The following HDAC2 variants were observed in gnomAD, a reference collection of about 807,000 sequenced individuals.
HDAC2 encodes YY1-associated factor 1.
Under a neutral mutation model 68.5 loss-of-function variants are expected in HDAC2, and 5 were observed. The observed-to-expected ratio is 0.07, with a 90% CI of 0.04 to 0.15. The LOEUF is 0.15. HDAC2 is among the 10% of genes least tolerant of loss of function. HDAC2 has a pLI of 1.00. For missense variants in HDAC2, 291 were observed against 600.8 expected (o/e 0.48, Z 5.39); for synonymous variants, 182 against 191.3 (o/e 0.95, Z 0.40).
intron 6 of HDAC2, among the ~76,000 whole-genome samples, chr6:113,951,047 T>C (rs558495121): frequency 2.0e-5 from 3 of 152,326 alleles, no homozygotes; most frequent in African/African-American, 7.2e-5. Flanking sequence ...ATGAAATATA[T>C]TTTGACCCTA....
At chr6:113,958,850 CG>C in intron 2 of HDAC2, 84 bp from the exon 3 acceptor site, 1 of 829,040 alleles carries the variant, frequency 1.2e-6, no homozygotes. Context: ...ATTCCCCTAT[CG>C]GTCCCCTCAA....
rs867979799 is a variant in HDAC2, at chr6:113,951,475, T to C, written c.639+1802A>G. ...AACATCAGCAACTGTAAAATCTTTT[T>C]TTTTTTTTTTTTGGCTGAGTCTTGC... On this transcript the variant is annotated intron_variant, in intron 6 of 13. Transcript: ENST00000519065. Among the ~76,000 whole-genome samples the C allele has an allele frequency of 6.7e-3, 1,008 of 150,972 alleles. 10 individuals carry two copies. The highest frequency in any genetic ancestry group is 0.023 in the African/African-American group (949 of 41,158).
intron 1 of HDAC2, among the ~76,000 whole-genome samples, chr6:113,960,970 G>A (rs1460028445): frequency 6.6e-6 from 1 of 151,976 alleles, no homozygotes; most frequent in Non-Finnish European, 1.5e-5. Context: ...CATTGTATTA[G>A]GTATTATGAG....
chr6:113,957,605 C>T (rs1776585885), intron 3 of HDAC2, among the ~76,000 whole-genome samples: 1 of 152,028 alleles, frequency 6.6e-6, no homozygotes, highest in South Asian at 2.1e-4. Context: ...CCTGTCTCAG[C>T]CTACAGAGTA....
intron 6 of HDAC2, 112 bp downstream of exon 6, chr6:113,953,165 T>C: frequency 1.3e-6 from 1 of 741,134 alleles, no homozygotes; most frequent in Non-Finnish European, 2.2e-6. Context: ...AATTCAATTC[T>C]GCATACAAGT....
Position 113,938,504 on chromosome 6 carries a change from A to C in HDAC2, c.*2554T>G, listed in dbSNP as rs1302902349. 2.0e-5 allele frequency: 3 copies of C among 151,992 alleles called. No homozygotes were observed. The highest frequency in any genetic ancestry group is 4.4e-5 in the Non-Finnish European group (3 of 67,990). The allele number at this position is 151,992 out of a possible 1,614,324, so 9.4% of individuals were successfully genotyped here. On this transcript the variant is annotated 3_prime_UTR_variant, in exon 14 of 14. Coordinates refer to ENST00000519065, the MANE Select transcript of HDAC2 (RefSeq NM_001527.4). ...CCTTCTTCAATCCATTTGCTTTAAG[A>C]GTTTAGGTTTTTGGTAGTTTTATCT...
intron 1 of HDAC2, among the ~76,000 whole-genome samples, chr6:113,969,042 T>C (rs183891711): frequency 6.6e-6 from 1 of 152,232 alleles, no homozygotes; most frequent in Non-Finnish European, 1.5e-5. Flanking sequence ...CTCTAAACTT[T>C]AGAAACAATG....
intron 3 of HDAC2, among the ~76,000 whole-genome samples, chr6:113,957,847 T>C (rs1776593576): frequency 6.6e-6 from 1 of 152,094 alleles, no homozygotes; most frequent in South Asian, 2.1e-4. Context: ...CCTGTTATGT[T>C]GTTTGCCCAA....
chr6:113,936,217 G>T lies in HDAC2; in HGVS notation c.*4841C>A, dbSNP rs1775993440. The T allele has an allele frequency of 6.6e-6, 1 of 152,080 alleles. No individual in the cohort carries two copies. Among genetic ancestry groups the T allele is most frequent in the Admixed American group, 6.5e-5 (1 of 15,272 alleles). 9.4% of individuals were successfully genotyped at this position (152,080 alleles called of 1,614,324 possible). A position where few individuals can be genotyped will look rare whatever the true frequency, so the allele number is the denominator to read the frequency against. On this transcript the variant is annotated 3_prime_UTR_variant, in exon 14 of 14. Transcript: ENST00000519065. ...ATTCAAAAAGAATCTGTTAATACAT[G>T]TTGCTCTGCTTGTTACATGGCCACC...
chr6:113,970,306 G>A (rs1776952528), intron 1 of HDAC2: 1 of 281,902 alleles, frequency 3.5e-6, no homozygotes, highest in South Asian at 1.3e-4. Flanking sequence ...AAGACGCTCC[G>A]GCCAGACCGA....
chr6:113,941,764 G>T lies in HDAC2; in HGVS notation c.1380C>A (p.Asp460Glu). 3 of 1,327,342 alleles carry T rather than the reference G, an allele frequency of 2.3e-6. No individual in the cohort carries two copies. The highest frequency in any genetic ancestry group is 2.6e-5 in the East Asian group (1 of 39,182). 82.2% of individuals were successfully genotyped at this position (1,327,342 alleles called of 1,614,324 possible). A position where few individuals can be genotyped will look rare whatever the true frequency, so the allele number is the denominator to read the frequency against. The change falls in exon 13 of 14, where the codon GAC becomes GAA. Residue 460 changes from aspartate to glutamate, a missense_variant and splice_region_variant. Asp to Glu is a conservative substitution (Grantham distance 45). Coordinates refer to ENST00000519065, the MANE Select transcript of HDAC2 (RefSeq NM_001527.4). ...DKKETEDKKT[D>E]VKEEDKSKDN... ...CCTTGGATTTATCTTCTTCCTTAAC[G>T]TCTAAAAATAAAGATTGGGAAAAGA...
chr6:113,944,351 G>T lies in HDAC2; in HGVS notation c.1151C>A (p.Ala384Asp). The change falls in exon 11 of 14, where the codon GCT becomes GAT. Residue 384 changes from alanine to aspartate, a missense_variant. Coordinates refer to ENST00000519065, the MANE Select transcript of HDAC2 (RefSeq NM_001527.4). ...TTCATGAACAGCATCTTCTGGAATA[G>T]CTTGCATCTGGACACCAGGTGCATG... is the stretch of plus-strand genomic sequence containing the variant. Reference protein sequence around the residue: ...LPHAPGVQMQAIPEDAVHEDS... With the variant: ...LPHAPGVQMQDIPEDAVHEDS... 6.2e-7 allele frequency: 1 copy of T among 1,612,220 alleles called. No homozygotes were observed. Among genetic ancestry groups the T allele is most frequent in the Non-Finnish European group, 8.5e-7 (1 of 1,178,320 alleles).
In HDAC2 at chr6:113,939,655, A is replaced by C. The variant is rs1776084984; in HGVS notation, c.*1403T>G. ...ATATTCACAAAAACATGGATAAAAT[A>C]ATCACAATGGTGATTACTTCTTAAG... On this transcript the variant is annotated 3_prime_UTR_variant, in exon 14 of 14. Transcript: ENST00000519065. The C allele has an allele frequency of 6.6e-6, 1 of 152,192 alleles. No individual in the cohort carries two copies. The highest frequency in any genetic ancestry group is 2.1e-4 in the South Asian group (1 of 4,830). The allele number at this position is 152,192 out of a possible 1,614,324, so 9.4% of individuals were successfully genotyped here.
intron 1 of HDAC2, chr6:113,969,759 A>G (rs1169987241): frequency 6.6e-6 from 1 of 152,248 alleles, no homozygotes; most frequent in Non-Finnish European, 1.5e-5. Flanking sequence ...AAATTATCTG[A>G]CTTTTATAAT....
At chr6:113,948,896 C>T in intron 8 of HDAC2, 83 bp downstream of exon 8, 5 of 1,508,078 alleles carry the variant, frequency 3.3e-6, no homozygotes, top group Non-Finnish European at 4.5e-6. Context: ...AGGCAAGAAA[C>T]TACAATGAGA....
At chr6:113,964,263 A>G (rs1325479584) in intron 1 of HDAC2, among the ~76,000 whole-genome samples, 1 of 151,500 alleles carries the variant, frequency 6.6e-6, no homozygotes, top group East Asian at 1.9e-4. Flanking sequence ...AGACTCAGGA[A>G]AAAAAAAACA....
chr6:113,934,437 A>T lies in HDAC2; in HGVS notation c.*6621T>A, dbSNP rs1775957683. 6.6e-6 allele frequency: 1 copy of T among 152,224 alleles called. No individual in the cohort carries two copies. Among genetic ancestry groups the T allele is most frequent in the Non-Finnish European group, 1.5e-5 (1 of 68,048 alleles). 9.4% of individuals were successfully genotyped at this position (152,224 alleles called of 1,614,324 possible). On this transcript the variant is annotated 3_prime_UTR_variant, in exon 14 of 14. Transcript: ENST00000519065. ...GTAAAGGCTGGTGCTAGACCCATATATGTGATTTCCAGTGCATTGTTCTTT... is the reference window on the plus strand; with the variant it reads ...GTAAAGGCTGGTGCTAGACCCATATTTGTGATTTCCAGTGCATTGTTCTTT...
At position 113,937,778 on chromosome 6, in the gene HDAC2, G is replaced by A. The variant is rs920206664; in HGVS notation, c.*3280C>T. The A allele has an allele frequency of 6.6e-6, 1 of 152,192 alleles. No homozygotes were observed. Among genetic ancestry groups the A allele is most frequent in the Non-Finnish European group, 1.5e-5 (1 of 68,056 alleles). The allele number at this position is 152,192 out of a possible 1,614,324, so 9.4% of individuals were successfully genotyped here. The stretch of plus-strand genomic sequence containing the variant: ...GAGGTGGGAGAATACCCTAAGCCTA[G>A]AAGTTCTAAGATGTAGTGAGATATG... On this transcript the variant is annotated 3_prime_UTR_variant, in exon 14 of 14. Coordinates refer to ENST00000519065, the MANE Select transcript of HDAC2 (RefSeq NM_001527.4).
At chr6:113,949,361 G>T in intron 6 of HDAC2, 101 bp from the exon 7 acceptor site, 1 of 708,482 alleles carries the variant, frequency 1.4e-6, no homozygotes, top group Non-Finnish European at 2.4e-6. Context: ...AAGTATTAAG[G>T]ATCCAATTTT....
Sources: allele counts gnomAD v4.1 joint callset (sites outside exome capture counted in the v4.1 genomes callset), GRCh38; gene constraint gnomAD v4.1.1; transcripts MANE v1.5; gene names NCBI Gene and HGNC (gene_info 2026-07-23, HGNC 2026-07-21).